C4orf50: variants seen among roughly 807,000 people sequenced by gnomAD.
The protein encoded by C4orf50 is uncharacterized protein C4orf50.
C4orf50 carries 80 observed loss-of-function variants against 77.2 expected under a neutral mutation model. The ratio of observed to expected loss-of-function variants is 1.04; its 90% CI spans 0.87 to 1.25. C4orf50 has a LOEUF of 1.25. Among genes scored for constraint, C4orf50 ranks in the 50% most tolerant of loss-of-function variants. The pLI is 0.00. For synonymous variants in C4orf50, 532 were observed against 465.3 expected (o/e 1.14, Z -1.84); for missense variants, 1,257 against 1,152.9 (o/e 1.09, Z -1.31).
chr4:5,954,615 C>A (rs750651873), downstream of C4orf50, among the ~76,000 whole-genome samples: 61 of 152,102 alleles, frequency 4.0e-4, no homozygotes, highest in Non-Finnish European at 6.0e-4. The surrounding 1 kb of genome is among the most constrained non-coding windows in gnomAD (Gnocchi z 4.7). Flanking sequence ...GAGGGGAGGG[C>A]TCTGGAGTGT....
intron 25 of C4orf50, among the ~76,000 whole-genome samples, chr4:5,998,065 G>A (rs1721674507): frequency 6.6e-6 from 1 of 152,172 alleles, no homozygotes. Context: ...AAGTCAAATG[G>A]CTGAGACTCA....
At chr4:6,006,364 T>C (rs1206095671) in intron 25 of C4orf50, among the ~76,000 whole-genome samples, 1 of 152,176 alleles carries the variant, frequency 6.6e-6, no homozygotes, top group Non-Finnish European at 1.5e-5. Flanking sequence ...CTGTAGATGT[T>C]TTGTGGGAGC....
rs938514456 is a variant in C4orf50 at position 6,015,763 on chromosome 4, C to A, written c.287+2382G>T. On this transcript the variant is annotated intron_variant, in intron 23 of 33. Transcript: ENST00000531445. The surrounding 1 kb of genome is among the most constrained non-coding windows in gnomAD (Gnocchi z 4.4). ...TCTTCTCCAGGTCTAGAGCTGCATT[C>A]CTGGGCTCCTGGCCCTGCCTTCATC... Among the ~76,000 whole-genome samples the A allele has an allele frequency of 6.6e-6, 1 of 152,186 alleles. No homozygotes were observed.
At chr4:5,959,972 A>G (rs1021442044) in intron 33 of C4orf50, among the ~76,000 whole-genome samples, 1 of 152,184 alleles carries the variant, frequency 6.6e-6, no homozygotes, top group South Asian at 2.1e-4. Context: ...TGATAAGAGA[A>G]AGTGACCTTC....
At position 5,908,036 on chromosome 4, in the gene C4orf50, GATTCATTC is replaced by G. The variant is rs61240934; in HGVS notation, c.*2475-9856_*2475-9849del. 2.3e-3 allele frequency among the ~76,000 whole-genome samples: 349 copies of G among 151,384 alleles called. No individual in the cohort carries two copies. Among genetic ancestry groups the G allele is most frequent in the Non-Finnish European group, 4.1e-3 (276 of 67,682 alleles). On this transcript the variant is annotated intron_variant, in intron 7 of 7. Transcript: ENST00000324058. The surrounding 1 kb of genome is among the most constrained non-coding windows in gnomAD (Gnocchi z 5.6). ...TAACAAAAAGAGCTGACCATTCACT[GATTCATTC>G]ATTCATTCATTCATTCATTTGCTTG...
Position 5,901,068 on chromosome 4 carries a change from C to T in C4orf50, c.*2475-2880G>A, listed in dbSNP as rs761907625. 3 of 152,224 alleles carry T rather than the reference C, an allele frequency of 2.0e-5. No individual in the cohort carries two copies. Among genetic ancestry groups the T allele is most frequent in the Non-Finnish European group, 2.9e-5 (2 of 68,048 alleles). 9.4% of individuals were successfully genotyped at this position (152,224 alleles called of 1,614,324 possible). A position where few individuals can be genotyped will look rare whatever the true frequency, so the allele number is the denominator to read the frequency against. On this transcript the variant is annotated intron_variant, in intron 7 of 7. Coordinates refer to the C4orf50 transcript ENST00000324058. This position sits in a 1 kb window ranked among gnomAD's most constrained non-coding sequence, Gnocchi z 4.4. Reference sequence around the variant, plus strand: ...CGACATACCTATTTTAAGAACAGTGCCTAGCAGTTCATGGGGAAACGTTGC... The same window carrying T: ...CGACATACCTATTTTAAGAACAGTGTCTAGCAGTTCATGGGGAAACGTTGC...
intron 26 of C4orf50, among the ~76,000 whole-genome samples, chr4:5,994,119 G>A (rs1323593353): frequency 6.6e-6 from 1 of 152,308 alleles, no homozygotes; most frequent in East Asian, 1.9e-4. Flanking sequence ...GTTCAGCTGA[G>A]CCCGAGCCAA....
chr4:5,920,475 CTTTTT>C (rs527939516), intron 7 of C4orf50, among the ~76,000 whole-genome samples: 1 of 128,980 alleles, frequency 7.8e-6, no homozygotes, highest in Non-Finnish European at 1.7e-5. Context: ...ATAAACATTG[CTTTTT>C]TTTTTTTTTT....
chr4:6,003,049 T>A (rs1008516322), intron 25 of C4orf50, among the ~76,000 whole-genome samples: 1 of 152,158 alleles, frequency 6.6e-6, no homozygotes, highest in Non-Finnish European at 1.5e-5. Context: ...ACCCACCTGC[T>A]CTGCCCTGCA....
At chr4:5,929,829 TA>T (rs757404297) in intron 7 of C4orf50, among the ~76,000 whole-genome samples, 28 of 152,218 alleles carry the variant, frequency 1.8e-4, no homozygotes, top group Non-Finnish European at 3.1e-4. Context: ...AATGATCTAA[TA>T]AAGGGCAATT....
At chr4:6,016,501 A>G (rs1459961350) in intron 23 of C4orf50, among the ~76,000 whole-genome samples, 4 of 152,166 alleles carry the variant, frequency 2.6e-5, no homozygotes, top group Non-Finnish European at 2.9e-5. Flanking sequence ...GTGAGCCAAG[A>G]TTATGTCACT....
Position 6,009,952 on chromosome 4 carries a change from A to G in C4orf50, c.427-1420T>C, listed in dbSNP as rs1722421889. ...GGAGCATACACAGCACATGAGACAG[A>G]TTTAATAAGACGACGCGTGTAGAAA... is the stretch of plus-strand genomic sequence containing the variant. On this transcript the variant is annotated intron_variant, in intron 24 of 33. Transcript: ENST00000531445. The surrounding 1 kb of genome is among the most constrained non-coding windows in gnomAD (Gnocchi z 5.6). Among the ~76,000 whole-genome samples, 1 of 152,142 alleles carries G rather than the reference A, an allele frequency of 6.6e-6. No homozygotes were observed.
At chr4:5,907,442 T>G (rs541235144) in intron 7 of C4orf50, among the ~76,000 whole-genome samples, 22 of 152,212 alleles carry the variant, frequency 1.4e-4, no homozygotes, top group Admixed American at 3.9e-4. Flanking sequence ...TTGGTGGTGG[T>G]GGGGAGGGTC....
intron 28 of C4orf50, among the ~76,000 whole-genome samples, chr4:5,987,900 G>A (rs1029350016): frequency 2.0e-5 from 3 of 152,166 alleles, no homozygotes; most frequent in South Asian, 2.1e-4. Flanking sequence ...GCACAGAGCC[G>A]GGTTGGAACC....
chr4:5,926,102 T>G (rs985522926), intron 7 of C4orf50, among the ~76,000 whole-genome samples: 1 of 152,188 alleles, frequency 6.6e-6, no homozygotes, highest in African/African-American at 2.4e-5. Context: ...AACGTGTCTT[T>G]CAATAAGGTT....
chr4:5,990,256 G>T, exon 28 of C4orf50: 1 of 1,224,404 alleles, frequency 8.2e-7, no homozygotes, highest in Non-Finnish European at 1.0e-6. Flanking sequence ...GTCCTCTGCA[G>T]CTCCAGCCCC....
Position 5,984,953 on chromosome 4 carries a change from A to T in C4orf50, c.3699+3394T>A, listed in dbSNP as rs552707662. Among the ~76,000 whole-genome samples, 3 of 152,258 alleles carry T rather than the reference A, an allele frequency of 2.0e-5. No homozygotes were observed. In the South Asian group the frequency reaches 6.2e-4, roughly 32 times the overall value. ...AAGCTGCCAAAACTCAAAGATAAAT[A>T]GGAAATTATAAAAGCAGTCAGAGAT... On this transcript the variant is annotated intron_variant, in intron 28 of 33. Transcript: ENST00000531445.
At chr4:5,989,098 A>G in exon 28 of C4orf50, 6 of 1,535,810 alleles carry the variant, frequency 3.9e-6, no homozygotes, top group Non-Finnish European at 5.2e-6. Context: ...GATGTCCCCT[A>G]CCAGCCTGTG....
At chr4:5,965,286 C>T (rs564340796) in intron 32 of C4orf50, 141 bp from the exon 11 acceptor site, 3 of 789,844 alleles carry the variant, frequency 3.8e-6, no homozygotes, top group African/African-American at 1.7e-5. Context: ...GGGCAGAGGT[C>T]CTCTCAGATG....
Sources: allele counts gnomAD v4.1 joint callset (sites outside exome capture counted in the v4.1 genomes callset), GRCh38; gene constraint gnomAD v4.1.1; non-coding constraint Gnocchi (gnomAD v3.1); transcripts MANE v1.5; gene names NCBI Gene and HGNC (gene_info 2026-07-23, HGNC 2026-07-21).